The following TENM4 variants were observed in gnomAD, a reference collection of about 807,000 sequenced individuals.
TENM4 encodes the protein teneurin transmembrane protein 4, also known as teneurin-4.
A neutral mutation model predicts 243.3 loss-of-function variants in TENM4; 82 were observed. The ratio of observed to expected loss-of-function variants is 0.34; its 90% CI spans 0.28 to 0.40. The LOEUF is 0.40. TENM4 is among the 10% of genes least tolerant of loss of function. The pLI, the probability that TENM4 is intolerant of heterozygous loss-of-function variation, is 1.00. For synonymous variants in TENM4, 1,412 were observed against 1,456.3 expected, an observed-to-expected ratio of 0.97 and a Z score of 0.69; for missense variants, 3,138 against 3,673.3, an observed-to-expected ratio of 0.85 and a Z score of 3.77.
At chr11:79,171,977 G>A (rs1863055093) in intron 3 of TENM4, among the ~76,000 whole-genome samples, 1 of 152,172 alleles carries the variant, frequency 6.6e-6, no homozygotes, top group Admixed American at 6.5e-5. Context: ...TTTGAGACAA[G>A]GTCTTGCTCC....
At chr11:79,273,876 C>T (rs1029087524) in intron 2 of TENM4, among the ~76,000 whole-genome samples, 10 of 152,318 alleles carry the variant, frequency 6.6e-5, no homozygotes, top group African/African-American at 1.9e-4. Flanking sequence ...TAAGGAGACC[C>T]CTGCAAAGAT....
chr11:79,172,495 C>A (rs534697700), intron 3 of TENM4, among the ~76,000 whole-genome samples: 1 of 152,246 alleles, frequency 6.6e-6, no homozygotes, highest in Admixed American at 6.5e-5. Context: ...CCCTCACAGA[C>A]CATGTTCCTC....
At chr11:79,260,764 C>T (rs1439206840) in intron 2 of TENM4, among the ~76,000 whole-genome samples, 1 of 152,192 alleles carries the variant, frequency 6.6e-6, no homozygotes, top group East Asian at 1.9e-4. Flanking sequence ...CTCATTACTG[C>T]CAAAAGGGCC....
intron 6 of TENM4, among the ~76,000 whole-genome samples, chr11:78,930,369 G>C (rs997375172): frequency 6.6e-6 from 1 of 152,184 alleles, no homozygotes; most frequent in Non-Finnish European, 1.5e-5. Flanking sequence ...ATATGGTCAA[G>C]TTTCCCCTTG....
Position 78,655,594 on chromosome 11 carries a change from C to T in TENM4, c.*2464G>A, listed in dbSNP as rs1395134720. On this transcript the variant is annotated 3_prime_UTR_variant, in exon 34 of 34. Coordinates refer to ENST00000278550, the MANE Select transcript of TENM4 (RefSeq NM_001098816.3). ...TGATCCCTAAAAGTCCACCCTATTC[C>T]TTTGGGGAGGGGGCTGTGGAGGAGG... 2 of 152,160 alleles carry T rather than the reference C, an allele frequency of 1.3e-5. No individual in the cohort carries two copies. Among genetic ancestry groups the T allele is most frequent in the East Asian group, 3.9e-4 (2 of 5,156 alleles). The allele number at this position is 152,160 out of a possible 1,614,324, so 9.4% of individuals were successfully genotyped here.
At chr11:78,924,922 G>A (rs1856522568) in intron 6 of TENM4, among the ~76,000 whole-genome samples, 1 of 152,124 alleles carries the variant, frequency 6.6e-6, no homozygotes, top group South Asian at 2.1e-4. Flanking sequence ...ACATTCCCTG[G>A]TCACCCATAA....
chr11:78,693,110 T>C (rs951623473), intron 28 of TENM4, among the ~76,000 whole-genome samples: 13 of 152,198 alleles, frequency 8.5e-5, no homozygotes, highest in Non-Finnish European at 8.8e-5. Context: ...AATGAATAAA[T>C]ATATAAGTAA....
chr11:79,095,017 T>C (rs1324411331), intron 4 of TENM4, among the ~76,000 whole-genome samples: 8 of 152,062 alleles, frequency 5.3e-5, no homozygotes, highest in Admixed American at 5.2e-4. Context: ...GAGTCAGCCA[T>C]GCCTGGCAGG....
intron 2 of TENM4, among the ~76,000 whole-genome samples, chr11:79,268,383 T>C (rs1855914928): frequency 6.6e-6 from 1 of 152,216 alleles, no homozygotes; most frequent in Non-Finnish European, 1.5e-5. Context: ...CTGACCCAAG[T>C]ATAATATAAT....
In TENM4 at chr11:78,781,969, A is replaced by C. The variant is rs1057042288; in HGVS notation, c.2366-3341T>G. Among the ~76,000 whole-genome samples, 10 of 152,260 alleles carry C rather than the reference A, an allele frequency of 6.6e-5. No individual in the cohort carries two copies. The East Asian group carries it at 1.9e-3, about 29-fold the overall frequency. On this transcript the variant is annotated intron_variant, in intron 16 of 33. Transcript: ENST00000278550. ...ATTAAACTTGTGCTCTGATAACTTG[A>C]GGTAGATCCCTGTACATTTTCTCTT... is the stretch of plus-strand genomic sequence containing the variant.
At chr11:79,089,361 C>T (rs1319903548) in intron 4 of TENM4, among the ~76,000 whole-genome samples, 2 of 152,138 alleles carry the variant, frequency 1.3e-5, no homozygotes, top group East Asian at 1.9e-4. Context: ...ATTCCACGAG[C>T]GCAAGGAAAG....
chr11:78,990,161 T>G (rs1161345111), intron 6 of TENM4, among the ~76,000 whole-genome samples: 2 of 152,110 alleles, frequency 1.3e-5, no homozygotes, highest in African/African-American at 4.8e-5. Context: ...ACAGATATGT[T>G]AGAGGTACAG....
chr11:79,362,153 CAA>C (rs1206879814), intron 1 of TENM4, among the ~76,000 whole-genome samples: 2 of 152,106 alleles, frequency 1.3e-5, no homozygotes, highest in Non-Finnish European at 2.9e-5. Context: ...ATATAAGTAG[CAA>C]AAGAGATACA....
At chr11:79,423,262 C>T (rs767530654) in intron 1 of TENM4, among the ~76,000 whole-genome samples, 1 of 152,116 alleles carries the variant, frequency 6.6e-6, no homozygotes, top group Non-Finnish European at 1.5e-5. Flanking sequence ...TCTCCTGAAG[C>T]CCTCACAATA....
intron 1 of TENM4, among the ~76,000 whole-genome samples, chr11:79,330,902 C>A (rs533980072): frequency 6.6e-6 from 1 of 152,290 alleles, no homozygotes; most frequent in African/African-American, 2.4e-5. Flanking sequence ...CCAGGAGCAA[C>A]AGAGACACGT....
chr11:78,918,469 CAG>C (rs950842108), intron 6 of TENM4, among the ~76,000 whole-genome samples: 62 of 149,448 alleles, frequency 4.1e-4, no homozygotes, highest in African/African-American at 1.5e-3. Context: ...AAAAAAGGGA[CAG>C]AGAGAGAAAT....
chr11:78,670,926 G>T (rs529142111), intron 31 of TENM4, among the ~76,000 whole-genome samples: 2 of 152,302 alleles, frequency 1.3e-5, no homozygotes, highest in African/African-American at 4.8e-5. Flanking sequence ...GGTGGGGTGT[G>T]AGAACGGCCA....
chr11:79,185,156 G>C (rs961405733), intron 3 of TENM4, among the ~76,000 whole-genome samples: 1 of 152,094 alleles, frequency 6.6e-6, no homozygotes, highest in Non-Finnish European at 1.5e-5. Context: ...AAATTAGCTG[G>C]ATGTGGTGGC....
At chr11:79,403,252 C>T (rs972396068) in intron 1 of TENM4, among the ~76,000 whole-genome samples, 3 of 152,172 alleles carry the variant, frequency 2.0e-5, no homozygotes, top group East Asian at 1.9e-4. Flanking sequence ...AAAAGGTTGT[C>T]GCCATGACTA....
Sources: allele counts gnomAD v4.1 joint callset (sites outside exome capture counted in the v4.1 genomes callset), GRCh38; gene constraint gnomAD v4.1.1; transcripts MANE v1.5; gene names NCBI Gene and HGNC (gene_info 2026-07-23, HGNC 2026-07-21).